Variants in DPY19L4 observed in about 807,000 individuals in gnomAD.
DPY19L4 encodes probable C-mannosyltransferase DPY19L4.
DPY19L4 carries 97 observed loss-of-function variants against 102.8 expected under a neutral mutation model. That is an observed-to-expected ratio of 0.94 (90% CI 0.80 to 1.12). The LOEUF (loss-of-function observed/expected upper bound fraction) is 1.12. Among genes scored for constraint, DPY19L4 ranks in the 50% most tolerant of loss-of-function variants. The pLI, the probability that DPY19L4 is intolerant of heterozygous loss-of-function variation, is 0.00. For synonymous variants in DPY19L4, 252 were observed against 283.1 expected (o/e 0.89, Z 1.10); for missense variants, 815 against 850.4 (o/e 0.96, Z 0.52).
intron 13 of DPY19L4, among the ~76,000 whole-genome samples, chr8:94,774,861 G>C (rs1404327973): frequency 2.0e-5 from 3 of 152,070 alleles, no homozygotes; most frequent in African/African-American, 7.2e-5. Flanking sequence ...ACAGCCATGA[G>C]CCACCGCGCC....
rs1209550506 is a variant in DPY19L4, at chr8:94,768,444, T to A, written c.1225T>A (p.Ser409Thr). 5 of 1,609,908 alleles carry A rather than the reference T, an allele frequency of 3.1e-6. No homozygotes were observed. In the South Asian group the frequency reaches 5.6e-5, roughly 18 times the overall value. The change falls in exon 12 of 19, where the codon TCT (serine) becomes ACT (threonine). Residue 409 changes from serine (S) to threonine (T), a missense_variant. Physicochemically the swap from Ser to Thr is moderately conservative, Grantham distance 58. Coordinates refer to ENST00000414645, the MANE Select transcript of DPY19L4 (RefSeq NM_181787.3). ...CTGTCAAGAATCCCTGCAGGCACCA[T>A]CTCAAGATTTTTTTCTGCGATTGAC... is the stretch of plus-strand genomic sequence containing the variant. ...LLCQESLQAP[S>T]QDFFLRLTQS...
intron 2 of DPY19L4, among the ~76,000 whole-genome samples, chr8:94,731,171 C>G (rs1768663297): frequency 6.6e-6 from 1 of 151,764 alleles, no homozygotes; most frequent in Admixed American, 6.6e-5. Context: ...ATTGTCTAAG[C>G]CTTAATGAAA....
chr8:94,729,312 C>T (rs1206614353), intron 2 of DPY19L4, among the ~76,000 whole-genome samples: 2 of 151,956 alleles, frequency 1.3e-5, no homozygotes, highest in Non-Finnish European at 2.9e-5. Context: ...GCGGAGGTCA[C>T]AATGAGCCGA....
intron 6 of DPY19L4, among the ~76,000 whole-genome samples, chr8:94,750,822 A>T (rs964416126): frequency 5.4e-5 from 8 of 149,254 alleles, no homozygotes; most frequent in African/African-American, 1.7e-4. Flanking sequence ...TCACTCTGTC[A>T]CCCAGGCTGG....
chr8:94,721,988 A>G (rs1354347784), intron 1 of DPY19L4, among the ~76,000 whole-genome samples: 1 of 152,144 alleles, frequency 6.6e-6, no homozygotes, highest in African/African-American at 2.4e-5. Context: ...AAGTGTCTGT[A>G]GTCCCAGCTA....
At chr8:94,773,945 G>A (rs1304177174) in intron 13 of DPY19L4, among the ~76,000 whole-genome samples, 1 of 148,472 alleles carries the variant, frequency 6.7e-6, no homozygotes, top group Non-Finnish European at 1.5e-5. Flanking sequence ...TGAGGTGGAT[G>A]GATTGCTTCA....
chr8:94,789,151 A>T (rs1813785804), intron 18 of DPY19L4, among the ~76,000 whole-genome samples: 1 of 152,110 alleles, frequency 6.6e-6, no homozygotes, highest in Non-Finnish European at 1.5e-5. Flanking sequence ...TGCTGTTTTG[A>T]AGATCAGCTT....
intron 14 of DPY19L4, among the ~76,000 whole-genome samples, chr8:94,778,234 C>CA (rs35068675): frequency 0.17 from 23,269 of 140,264 alleles, 1,897 homozygotes; most frequent in Admixed American, 0.23. Flanking sequence ...GACTTTGTCT[C>CA]AAAAAAAAAA....
chr8:94,760,444 T>C (rs906571712), intron 7 of DPY19L4, among the ~76,000 whole-genome samples: 1 of 152,236 alleles, frequency 6.6e-6, no homozygotes, highest in African/African-American at 2.4e-5. Flanking sequence ...TCAGAGCCCT[T>C]CTGTGCTTTG....
At chr8:94,755,272 T>C (rs1812108668) in intron 6 of DPY19L4, among the ~76,000 whole-genome samples, 1 of 152,192 alleles carries the variant, frequency 6.6e-6, no homozygotes. Flanking sequence ...TAAGTTACCT[T>C]ACATTTCTGA....
chr8:94,766,299 C>A (rs750447941), intron 10 of DPY19L4, among the ~76,000 whole-genome samples: 1 of 152,094 alleles, frequency 6.6e-6, no homozygotes, highest in African/African-American at 2.4e-5. Flanking sequence ...TGCTTGAACC[C>A]GGGAGGCAGA....
rs76554508 is a variant in DPY19L4, at chr8:94,789,061, C to T, written c.2008-685C>T. ...ACACAAATGGAATTTTATGAAGCCT[C>T]GGGTACAGTTTCAGTAATTGGTGCT... On this transcript the variant is annotated intron_variant, in intron 18 of 18. Coordinates refer to ENST00000414645, the MANE Select transcript of DPY19L4 (RefSeq NM_181787.3). Among the ~76,000 whole-genome samples, 1,420 of 152,208 alleles carry T rather than the reference C, an allele frequency of 9.3e-3. 8 individuals are homozygous for T. The highest frequency in any genetic ancestry group is 0.015 in the Non-Finnish European group (1,020 of 68,016).
intron 6 of DPY19L4, among the ~76,000 whole-genome samples, chr8:94,747,891 A>G (rs1338893245): frequency 1.3e-5 from 2 of 151,898 alleles, no homozygotes; most frequent in Non-Finnish European, 2.9e-5. Context: ...ATTAAAATGA[A>G]GACACGAAAT....
chr8:94,720,121 T>TGGCGGC (rs1237490991), intron 1 of DPY19L4, 107 bp downstream of exon 1: 3 of 1,395,252 alleles, frequency 2.2e-6, no homozygotes, highest in Non-Finnish European at 2.8e-6. Flanking sequence ...GCGGTCGCGG[T>TGGCGGC]GGCGGCCGCG....
rs1382099174 is a variant in DPY19L4, at chr8:94,790,026, C to A, written c.*116C>A. The A allele has an allele frequency of 3.0e-6, 3 of 1,000,952 alleles. No homozygotes were observed. The highest frequency in any genetic ancestry group is 4.4e-6 in the Non-Finnish European group (3 of 685,056). The allele number at this position is 1,000,952 out of a possible 1,614,324, so 62.0% of individuals were successfully genotyped here. A position where few individuals can be genotyped will look rare whatever the true frequency, so the allele number is the denominator to read the frequency against. The stretch of plus-strand genomic sequence containing the variant: ...ACATTTGAAATATTGCTGCTTCTTT[C>A]CCCCTTCTGCTGTTAACTGGATCCA... On this transcript the variant is annotated 3_prime_UTR_variant, in exon 19 of 19. Coordinates refer to ENST00000414645, the MANE Select transcript of DPY19L4 (RefSeq NM_181787.3).
Position 94,789,791 on chromosome 8 carries a change from C to A in DPY19L4, c.2053C>A (p.Arg685=), listed in dbSNP as rs145854417. 1.2e-6 allele frequency: 2 copies of A among 1,610,488 alleles called. No individual in the cohort carries two copies. The highest frequency in any genetic ancestry group is 1.7e-6 in the Non-Finnish European group (2 of 1,178,358). ...GDKLTYSKYG[R]FCHEVKINYS... ...CAAGCTAACCTACTCAAAATATGGG[C>A]GATTTTGTCATGAGGTCAAAATTAA... The change falls in exon 19 of 19, where the codon CGA becomes AGA. Residue 685 remains arginine, a synonymous_variant. Transcript: ENST00000414645.
intron 8 of DPY19L4, among the ~76,000 whole-genome samples, chr8:94,764,706 TA>T (rs1318007458): frequency 1.5e-5 from 1 of 66,402 alleles, no homozygotes; most frequent in Non-Finnish European, 3.0e-5. Context: ...TATATATATA[TA>T]TATATATATA....
At chr8:94,749,577 A>G (rs1274701451) in intron 6 of DPY19L4, among the ~76,000 whole-genome samples, 2 of 152,282 alleles carry the variant, frequency 1.3e-5, no homozygotes, top group Non-Finnish European at 2.9e-5. Context: ...ACTTTCCTAA[A>G]TAGGGAGAAG....
intron 1 of DPY19L4, among the ~76,000 whole-genome samples, chr8:94,721,177 C>T (rs183273730): frequency 3.3e-5 from 5 of 152,238 alleles, no homozygotes; most frequent in African/African-American, 1.2e-4. Flanking sequence ...AACTTCTGAC[C>T]TCAGGTGATC....
Sources: allele counts gnomAD v4.1 joint callset (sites outside exome capture counted in the v4.1 genomes callset), GRCh38; gene constraint gnomAD v4.1.1; transcripts MANE v1.5; gene names NCBI Gene and HGNC (gene_info 2026-07-23, HGNC 2026-07-21).